PCDH15: variants seen among roughly 807,000 people sequenced by gnomAD.
PCDH15 encodes protocadherin related 15.
A neutral mutation model predicts 178.5 loss-of-function variants in PCDH15; 129 were observed. That is an observed-to-expected ratio of 0.72 (90% confidence interval 0.63 to 0.84). The LOEUF (loss-of-function observed/expected upper bound fraction) is 0.84, where lower values mean the gene tolerates loss of function less well. PCDH15 is among the 40% of genes least tolerant of loss of function. The pLI, the probability that PCDH15 is intolerant of heterozygous loss-of-function variation, is 0.00. For missense variants in PCDH15, 2,230 were observed against 2,099.9 expected (o/e 1.06, Z -1.21); for synonymous variants, 800 against 732.0 (o/e 1.09, Z -1.50).
chr10:54,841,948 T>C (rs1953426043), intron 3 of PCDH15, among the ~76,000 whole-genome samples: 1 of 151,914 alleles, frequency 6.6e-6, no homozygotes, highest in Non-Finnish European at 1.5e-5. Flanking sequence ...TATGATGCCA[T>C]ATTAGTTCTG....
intron 21 of PCDH15, among the ~76,000 whole-genome samples, chr10:53,992,024 A>T (rs12761393): frequency 2.6e-5 from 4 of 151,834 alleles, no homozygotes; most frequent in Non-Finnish European, 4.4e-5. Flanking sequence ...GCTGCTGCTT[A>T]CTGTTTGGGT....
chr10:55,510,452 A>G (rs2132150743), intron 2 of PCDH15, among the ~76,000 whole-genome samples: 1 of 152,122 alleles, frequency 6.6e-6, no homozygotes, highest in African/African-American at 2.4e-5. Context: ...TAAAGTCACT[A>G]GCTAACGTGT....
chr10:54,523,510 T>C (rs912417608), intron 3 of PCDH15, among the ~76,000 whole-genome samples: 8 of 152,148 alleles, frequency 5.3e-5, no homozygotes, highest in Non-Finnish European at 1.0e-4. Flanking sequence ...GAAGTAGTCA[T>C]AGATGAAGGG....
At chr10:55,210,353 A>G (rs1251529688) in intron 1 of PCDH15, among the ~76,000 whole-genome samples, 3 of 152,006 alleles carry the variant, frequency 2.0e-5, no homozygotes, top group Admixed American at 1.3e-4. Context: ...TAGATAAATA[A>G]AAGTAAAATG....
chr10:53,821,575 C>G (rs1346166704), intron 32 of PCDH15: 2 of 1,142,136 alleles, frequency 1.8e-6, no homozygotes, highest in African/African-American at 3.2e-5. Flanking sequence ...TTTTCATGCC[C>G]ACATATTCCC....
intron 3 of PCDH15, among the ~76,000 whole-genome samples, chr10:54,847,333 A>G (rs1953534584): frequency 6.6e-6 from 1 of 152,050 alleles, no homozygotes; most frequent in South Asian, 2.1e-4. Flanking sequence ...ACTTTGAGGT[A>G]TTTTTCTCAT....
chr10:55,240,576 C>T (rs1430207569), intron 1 of PCDH15, among the ~76,000 whole-genome samples: 7 of 152,186 alleles, frequency 4.6e-5, no homozygotes, highest in Non-Finnish European at 8.8e-5. Flanking sequence ...CCTATCAATA[C>T]AATAGATGTA....
At chr10:55,180,904 C>T (rs1373443095) in intron 1 of PCDH15, among the ~76,000 whole-genome samples, 1 of 151,918 alleles carries the variant, frequency 6.6e-6, no homozygotes, top group East Asian at 1.9e-4. Flanking sequence ...ATAAAAATAC[C>T]TTGGCTGTCA....
intron 2 of PCDH15, among the ~76,000 whole-genome samples, chr10:55,567,354 A>G (rs749183820): frequency 2.0e-5 from 3 of 151,908 alleles, no homozygotes; most frequent in Non-Finnish European, 4.4e-5. Flanking sequence ...TTAATACTTC[A>G]GATTTGGCAA....
intron 2 of PCDH15, among the ~76,000 whole-genome samples, chr10:55,164,649 G>T (rs1346793567): frequency 1.3e-5 from 2 of 151,998 alleles, no homozygotes; most frequent in Non-Finnish European, 2.9e-5. Context: ...TATTTTAATT[G>T]TCCAAGGAGA....
At chr10:55,060,724 T>A (rs922311809) in intron 2 of PCDH15, among the ~76,000 whole-genome samples, 2 of 152,064 alleles carry the variant, frequency 1.3e-5, no homozygotes, top group Non-Finnish European at 2.9e-5. Context: ...CGATTTTATA[T>A]GCTAAGAAGT....
chr10:53,908,625 C>T (rs905646915), intron 25 of PCDH15, among the ~76,000 whole-genome samples: 4 of 152,144 alleles, frequency 2.6e-5, no homozygotes, highest in Admixed American at 1.3e-4. Flanking sequence ...AGTAAATATA[C>T]ATCACAGAAA....
chr10:55,029,189 C>T (rs1459639975), intron 2 of PCDH15, among the ~76,000 whole-genome samples: 1 of 151,900 alleles, frequency 6.6e-6, no homozygotes, highest in African/African-American at 2.4e-5. Context: ...AATTCCCGGC[C>T]ATATTTTCTG....
intron 3 of PCDH15, among the ~76,000 whole-genome samples, chr10:54,857,633 T>C (rs1023482328): frequency 2.0e-5 from 3 of 151,594 alleles, no homozygotes; most frequent in African/African-American, 7.3e-5. Flanking sequence ...TTTTTTTTTT[T>C]TTAGAGATAG....
At chr10:54,324,467 C>T (rs1447313309) in intron 7 of PCDH15, among the ~76,000 whole-genome samples, 1 of 152,020 alleles carries the variant, frequency 6.6e-6, no homozygotes, top group Non-Finnish European at 1.5e-5. Context: ...TGCCATGATT[C>T]TAAATTAAAT....
chr10:53,947,311 T>A (rs1249797850), intron 23 of PCDH15, among the ~76,000 whole-genome samples: 10 of 152,172 alleles, frequency 6.6e-5, no homozygotes, highest in Admixed American at 6.5e-4. Flanking sequence ...AAATGTTGTA[T>A]GTGTCAAATA....
At chr10:55,014,851 T>C (rs1840133026) in intron 2 of PCDH15, among the ~76,000 whole-genome samples, 1 of 152,234 alleles carries the variant, frequency 6.6e-6, no homozygotes, top group South Asian at 2.1e-4. Flanking sequence ...GTTTCTTTTA[T>C]GAGAAATACT....
intron 3 of PCDH15, among the ~76,000 whole-genome samples, chr10:54,814,708 C>G (rs1212507191): frequency 1.3e-5 from 2 of 152,066 alleles, no homozygotes; most frequent in Non-Finnish European, 2.9e-5. Flanking sequence ...CACATTAATG[C>G]CTGAGGTTGC....
intron 32 of PCDH15, among the ~76,000 whole-genome samples, chr10:53,826,425 G>A (rs182449288): frequency 6.6e-6 from 1 of 151,854 alleles, no homozygotes; most frequent in East Asian, 1.9e-4. Context: ...GATTTTTTAG[G>A]CTTTTCTTAT....
Sources: allele counts gnomAD v4.1 joint callset (sites outside exome capture counted in the v4.1 genomes callset), GRCh38; gene constraint gnomAD v4.1.1; transcripts MANE v1.5; gene names NCBI Gene and HGNC (gene_info 2026-07-23, HGNC 2026-07-21).